DIAPH2: variants seen among roughly 807,000 people sequenced by gnomAD.
DIAPH2 encodes the protein protein diaphanous homolog 2.
In DIAPH2, 35 loss-of-function variants were observed where a neutral mutation model predicts 92.7. The ratio of observed to expected loss-of-function variants is 0.38; its 90% CI spans 0.29 to 0.50. DIAPH2 has a LOEUF of 0.50. Ranked by LOEUF, DIAPH2 falls within the 20% of genes least tolerant of loss-of-function variation. DIAPH2 has a pLI of 0.94. For synonymous variants in DIAPH2, 301 were observed against 280.4 expected (o/e 1.07, Z -0.73); for missense variants, 701 against 819.5 (o/e 0.86, Z 1.77).
At chrX:97,200,873 C>T (rs2067742163) in intron 22 of DIAPH2, among the ~76,000 whole-genome samples, 1 of 111,952 alleles carries the variant, frequency 8.9e-6, no homozygotes, top group Admixed American at 9.5e-5. Flanking sequence ...TGCCTCCTGA[C>T]TGGGAGAGAC....
At chrX:97,023,282 TAACTTC>T (rs1191283405) in intron 17 of DIAPH2, among the ~76,000 whole-genome samples, 3 of 111,285 alleles carry the variant, frequency 2.7e-5, no homozygotes, top group Non-Finnish European at 5.6e-5. Context: ...TCTTTCTGTT[TAACTTC>T]ATTCAAAATT....
rs1311122391 is a variant in DIAPH2 at position 97,601,102 on chromosome X, A to G, written c.*1785A>G. ...AGTAACACTGTTTTTTAACAACAAC[A>G]AAAGTTTAGGTTCTAATTTATGTAA... On this transcript the variant is annotated 3_prime_UTR_variant, in exon 27 of 27. Transcript: ENST00000324765. 8.9e-6 allele frequency: 1 copy of G among 112,525 alleles called. No individual in the cohort carries two copies. The highest frequency in any genetic ancestry group is 1.9e-5 in the Non-Finnish European group (1 of 53,247). The allele number at this position is 112,525 out of a possible 1,213,427, so 9.3% of individuals were successfully genotyped here.
At chrX:97,047,542 CTTTTTTTTT>C (rs5903064) in intron 17 of DIAPH2, among the ~76,000 whole-genome samples, 12 of 30,101 alleles carry the variant, frequency 4.0e-4, no homozygotes, top group Non-Finnish European at 5.5e-4. Context: ...ATAAAATAGG[CTTTTTTTTT>C]TTTTTTTTTT....
At chrX:97,106,305 C>T (rs2066940139) in intron 20 of DIAPH2, among the ~76,000 whole-genome samples, 1 of 111,201 alleles carries the variant, frequency 9.0e-6, no homozygotes, top group Admixed American at 9.6e-5. Context: ...GATATATATT[C>T]ATTTTATCTG....
At chrX:96,722,053 T>A (rs774220721) in intron 1 of DIAPH2, among the ~76,000 whole-genome samples, 9 of 111,827 alleles carry the variant, frequency 8.0e-5, no homozygotes, top group Non-Finnish European at 1.1e-4. Context: ...TGTCTACAAT[T>A]TGGCATTTAA....
chrX:96,818,266 G>A (rs758263705), intron 4 of DIAPH2, among the ~76,000 whole-genome samples: 2 of 109,698 alleles, frequency 1.8e-5, no homozygotes, highest in Non-Finnish European at 3.8e-5. Context: ...GGTGTGAGCC[G>A]CGGTGCCTGG....
At chrX:97,181,201 G>A (rs2067536794) in intron 22 of DIAPH2, among the ~76,000 whole-genome samples, 1 of 109,050 alleles carries the variant, frequency 9.2e-6, no homozygotes, top group Admixed American at 9.9e-5. Flanking sequence ...TCCCGAGTGG[G>A]GATTACAGGC....
At chrX:97,593,828 A>G (rs1602689391) in intron 26 of DIAPH2, among the ~76,000 whole-genome samples, 1 of 111,983 alleles carries the variant, frequency 8.9e-6, no homozygotes, top group Non-Finnish European at 1.9e-5. Context: ...CATGATCAGT[A>G]TAGAAAGGAA....
chrX:97,160,640 T>C (rs1373409696), intron 22 of DIAPH2, among the ~76,000 whole-genome samples: 1 of 111,852 alleles, frequency 8.9e-6, no homozygotes, highest in Non-Finnish European at 1.9e-5. Flanking sequence ...TGATTTATCT[T>C]AGTTAATCTT....
chrX:97,561,347 G>A (rs1169739940), intron 26 of DIAPH2, among the ~76,000 whole-genome samples: 2 of 112,340 alleles, frequency 1.8e-5, no homozygotes, highest in Non-Finnish European at 3.8e-5. Flanking sequence ...CCACTGTGAT[G>A]CATTTAAAAA....
At position 97,126,324 on chromosome X, in the gene DIAPH2, A is replaced by C. The variant is rs191470864; in HGVS notation, c.2589+11359A>C. ...GCCTTCCTAGTGAAGGCATTGCACAACCTTAACAAGGAGAGCTCATGTCCA... is the reference window on the plus strand; with the variant it reads ...GCCTTCCTAGTGAAGGCATTGCACACCCTTAACAAGGAGAGCTCATGTCCA... On this transcript the variant is annotated intron_variant, in intron 21 of 26. Coordinates refer to ENST00000324765, the MANE Select transcript of DIAPH2 (RefSeq NM_006729.5). Among the ~76,000 whole-genome samples, 9 of 112,053 alleles carry C rather than the reference A, an allele frequency of 8.0e-5. No individual in the cohort carries two copies. In the East Asian group the frequency reaches 2.0e-3, roughly 24 times the overall value.
intron 17 of DIAPH2, among the ~76,000 whole-genome samples, chrX:97,049,237 G>T (rs907608012): frequency 9.0e-6 from 1 of 110,762 alleles, no homozygotes; most frequent in South Asian, 3.8e-4. Context: ...GTAATAATGT[G>T]TGAGGTGAAG....
intron 24 of DIAPH2, among the ~76,000 whole-genome samples, chrX:97,355,704 G>A (rs2069259915): frequency 9.0e-6 from 1 of 111,124 alleles, no homozygotes; most frequent in African/African-American, 3.3e-5. Context: ...CAGAGGGGGT[G>A]TCCTTAGTAA....
At chrX:97,184,050 A>T (rs1602399019) in intron 22 of DIAPH2, among the ~76,000 whole-genome samples, 1 of 112,501 alleles carries the variant, frequency 8.9e-6, no homozygotes, top group African/African-American at 3.2e-5. Flanking sequence ...ATTGTGGCCA[A>T]ATAATGAGAT....
At chrX:97,391,243 A>G (rs1890468472) in intron 25 of DIAPH2, among the ~76,000 whole-genome samples, 2 of 111,388 alleles carry the variant, frequency 1.8e-5, no homozygotes, top group Non-Finnish European at 3.8e-5. Context: ...CTTATCAACT[A>G]GATGGAAGGC....
At chrX:97,438,919 G>A (rs1381337074) in intron 26 of DIAPH2, among the ~76,000 whole-genome samples, 2 of 111,721 alleles carry the variant, frequency 1.8e-5, no homozygotes, top group African/African-American at 6.5e-5. Context: ...TGCATTTGTT[G>A]AGCATATACT....
rs753993171 is a variant in DIAPH2, at chrX:97,004,034, T to C, written c.2050+38827T>C. ...ATCCAGTTTTCCAAATACCATTTATTGAAGACATTGTCCTTTCCCCCAATG... is the reference window on the plus strand; with the variant it reads ...ATCCAGTTTTCCAAATACCATTTATCGAAGACATTGTCCTTTCCCCCAATG... On this transcript the variant is annotated intron_variant, in intron 17 of 26. Coordinates refer to ENST00000324765, the MANE Select transcript of DIAPH2 (RefSeq NM_006729.5). Among the ~76,000 whole-genome samples the C allele has an allele frequency of 9.8e-5, 11 of 111,823 alleles. No individual in the cohort carries two copies. In the East Asian group the frequency reaches 2.5e-3, roughly 26 times the overall value.
intron 15 of DIAPH2, among the ~76,000 whole-genome samples, chrX:96,957,296 C>T (rs181406184): frequency 8.8e-4 from 99 of 112,498 alleles, no homozygotes; most frequent in African/African-American, 3.0e-3. Context: ...GTTAGGATTA[C>T]AGGCGTGAGC....
At chrX:97,016,768 A>G (rs2066263913) in intron 17 of DIAPH2, among the ~76,000 whole-genome samples, 1 of 112,370 alleles carries the variant, frequency 8.9e-6, no homozygotes, top group South Asian at 3.7e-4. Context: ...CTGTCCCACC[A>G]TAATGTAATT....
Sources: gnomAD v4.1 joint callset for allele counts (sites outside exome capture counted in the v4.1 genomes callset) on GRCh38, gnomAD v4.1.1 for gene constraint, MANE v1.5 for transcripts, NCBI Gene and HGNC (gene_info 2026-07-23, HGNC 2026-07-21) for gene names.